Variants in PCDH15 observed in about 807,000 individuals in gnomAD.
PCDH15 encodes the protein protocadherin related 15, also known as protocadherin-15.
In PCDH15, 129 loss-of-function variants were observed where a neutral mutation model predicts 178.5. That is an observed-to-expected ratio of 0.72 (90% CI 0.63 to 0.84). The LOEUF (loss-of-function observed/expected upper bound fraction) is 0.84, where lower values mean the gene tolerates loss of function less well. Among genes scored for constraint, PCDH15 ranks in the 40% least tolerant of loss-of-function variants. PCDH15 has a pLI of 0.00. For missense variants in PCDH15, 2,230 were observed against 2,099.9 expected (o/e 1.06, Z -1.21); for synonymous variants, 800 against 732.0 (o/e 1.09, Z -1.50).
chr10:55,393,045 T>A (rs1837837837), intron 2 of PCDH15, among the ~76,000 whole-genome samples: 1 of 151,680 alleles, frequency 6.6e-6, no homozygotes, highest in South Asian at 2.1e-4. Context: ...TTTTAACTTT[T>A]TGTTTTAATG....
At chr10:54,271,624 A>G (rs1420423992) in intron 8 of PCDH15, among the ~76,000 whole-genome samples, 1 of 152,172 alleles carries the variant, frequency 6.6e-6, no homozygotes, top group Admixed American at 6.5e-5. Flanking sequence ...GTTGGACTCA[A>G]CAAGTATTAT....
chr10:54,667,848 A>G (rs751024449), intron 1 of PCDH15, among the ~76,000 whole-genome samples: 1 of 152,150 alleles, frequency 6.6e-6, no homozygotes, highest in Non-Finnish European at 1.5e-5. Flanking sequence ...GTACTCTAAT[A>G]TAGCTAATAA....
chr10:54,566,356 C>T (rs2089029364), intron 2 of PCDH15, among the ~76,000 whole-genome samples: 5 of 152,110 alleles, frequency 3.3e-5, no homozygotes. Flanking sequence ...CACTCAAATA[C>T]TAGTTTATAT....
chr10:55,099,411 A>G (rs2132044210), intron 2 of PCDH15, among the ~76,000 whole-genome samples: 1 of 152,204 alleles, frequency 6.6e-6, no homozygotes, highest in South Asian at 2.1e-4. Context: ...TTACTAAAAG[A>G]AAAAAATCTG....
chr10:54,529,658 T>C (rs1433790899), intron 2 of PCDH15, among the ~76,000 whole-genome samples: 1 of 152,138 alleles, frequency 6.6e-6, no homozygotes, highest in Non-Finnish European at 1.5e-5. Flanking sequence ...AAATTCATTG[T>C]TGCCTTTTTT....
intron 3 of PCDH15, among the ~76,000 whole-genome samples, chr10:54,504,943 A>C (rs2081041526): frequency 6.6e-6 from 1 of 152,148 alleles, no homozygotes; most frequent in Admixed American, 6.6e-5. Flanking sequence ...TCAATTATTA[A>C]CATACTGCAG....
chr10:54,764,632 C>G (rs1218799557), intron 1 of PCDH15, among the ~76,000 whole-genome samples: 1 of 152,002 alleles, frequency 6.6e-6, no homozygotes, highest in Non-Finnish European at 1.5e-5. Flanking sequence ...AACCTCATGA[C>G]CTCATCTGTT....
intron 2 of PCDH15, among the ~76,000 whole-genome samples, chr10:54,570,731 C>A (rs1347151609): frequency 1.3e-5 from 2 of 152,118 alleles, no homozygotes; most frequent in East Asian, 3.8e-4. Flanking sequence ...CCTCTCACTG[C>A]AACCTCGGCC....
intron 2 of PCDH15, among the ~76,000 whole-genome samples, chr10:54,977,900 C>T (rs977797317): frequency 2.0e-5 from 3 of 152,100 alleles, no homozygotes; most frequent in African/African-American, 7.2e-5. Context: ...CACATGTTAA[C>T]TAACATAAGG....
At chr10:54,511,320 C>T (rs558648714) in intron 3 of PCDH15, among the ~76,000 whole-genome samples, 6 of 151,886 alleles carry the variant, frequency 4.0e-5, no homozygotes, top group African/African-American at 1.4e-4. Context: ...AATTATTGTC[C>T]CCATGGACTC....
chr10:54,687,821 G>T (rs1312620767), intron 1 of PCDH15, among the ~76,000 whole-genome samples: 3 of 151,844 alleles, frequency 2.0e-5, no homozygotes, highest in Admixed American at 2.0e-4. Flanking sequence ...CTTTGCTGGG[G>T]TCCCTATACC....
rs1009871544 is a variant in PCDH15 at position 54,019,645 on chromosome 10, A to G, written c.2751+547T>C. ...TTCAGGCAATCATCTGGCACATGGT[A>G]TTATAATAAATGGGATAACAAATCC... On this transcript the variant is annotated intron_variant, in intron 20 of 37. Coordinates refer to ENST00000644397, the MANE Select transcript of PCDH15 (RefSeq NM_001384140.1). Among the ~76,000 whole-genome samples, 62 of 152,098 alleles carry G rather than the reference A, an allele frequency of 4.1e-4. 1 individual carries two copies. Among genetic ancestry groups the G allele is most frequent in the Admixed American group, 4.1e-3 (62 of 15,246 alleles).
At chr10:54,655,401 C>A (rs183946463) in intron 2 of PCDH15, among the ~76,000 whole-genome samples, 2 of 148,342 alleles carry the variant, frequency 1.3e-5, no homozygotes, top group East Asian at 4.0e-4. Context: ...AAATAACATC[C>A]TTGGGTAAGG....
intron 1 of PCDH15, among the ~76,000 whole-genome samples, chr10:55,293,565 C>T (rs1047727958): frequency 5.3e-5 from 8 of 152,300 alleles, no homozygotes; most frequent in African/African-American, 1.9e-4. Flanking sequence ...GCACCCAAGT[C>T]ACATCTTGAA....
At chr10:54,421,862 T>TACACACACACTATATATATATAC (rs1565231357) in intron 3 of PCDH15, among the ~76,000 whole-genome samples, 3 of 113,976 alleles carry the variant, frequency 2.6e-5, no homozygotes, top group African/African-American at 1.2e-4. Context: ...TATATATATA[T>TACACACACACTATATATATATAC]ACACACACTA....
At chr10:54,566,604 C>G (rs940802041) in intron 2 of PCDH15, among the ~76,000 whole-genome samples, 1 of 152,102 alleles carries the variant, frequency 6.6e-6, no homozygotes, top group Admixed American at 6.6e-5. Flanking sequence ...ACAGCCTTGT[C>G]ATATTGCCTT....
intron 3 of PCDH15, among the ~76,000 whole-genome samples, chr10:54,397,387 A>C (rs1951376897): frequency 6.6e-6 from 1 of 152,066 alleles, no homozygotes; most frequent in Non-Finnish European, 1.5e-5. Context: ...TCAGGGAACA[A>C]CCTTCCCTTC....
chr10:54,468,267 C>A (rs568304014), intron 3 of PCDH15, among the ~76,000 whole-genome samples: 1 of 151,758 alleles, frequency 6.6e-6, no homozygotes, highest in African/African-American at 2.4e-5. Context: ...TATTTGAAAT[C>A]TTTCTACTTT....
rs1943309449 is a variant in PCDH15 at position 54,346,498 on chromosome 10, A to G, written c.475-14T>C. On this transcript the variant is annotated splice_polypyrimidine_tract_variant and intron_variant, in intron 5 of 37. Transcript: ENST00000644397. The stretch of plus-strand genomic sequence containing the variant: ...AACTGGAGTGAGCTGAAAGGAAAAA[A>G]GATTTTAAATATCAATTTTCATTTT... The G allele has an allele frequency of 6.2e-7, 1 of 1,612,940 alleles. No individual in the cohort carries two copies. Among genetic ancestry groups the G allele is most frequent in the African/African-American group, 1.3e-5 (1 of 75,040 alleles).
Sources: allele counts gnomAD v4.1 joint callset (sites outside exome capture counted in the v4.1 genomes callset), GRCh38; gene constraint gnomAD v4.1.1; transcripts MANE v1.5; gene names NCBI Gene and HGNC (gene_info 2026-07-23, HGNC 2026-07-21).